The following TNKS variants were observed in gnomAD, a reference collection of about 807,000 sequenced individuals.
TNKS encodes tankyrase, also known as poly [ADP-ribose] polymerase tankyrase-1.
TNKS carries 72 observed loss-of-function variants against 135.8 expected under a neutral mutation model. That is an observed-to-expected ratio of 0.53 (90% CI 0.44 to 0.64). The LOEUF (loss-of-function observed/expected upper bound fraction) is 0.64, where lower values mean the gene tolerates loss of function less well. Ranked by LOEUF, TNKS falls within the 30% of genes least tolerant of loss-of-function variation. The probability of loss-of-function intolerance (pLI) is 0.00; values close to 1 mark genes in which losing one functional copy is unlikely to be tolerated. For synonymous variants in TNKS, 849 were observed against 649.3 expected, an observed-to-expected ratio of 1.31 and a Z score of -4.68; for missense variants, 1,769 against 1,674.0, an observed-to-expected ratio of 1.06 and a Z score of -0.99.
intron 5 of TNKS, among the ~76,000 whole-genome samples, chr8:9,696,733 T>C (rs574162838): frequency 6.6e-6 from 1 of 152,192 alleles, no homozygotes; most frequent in African/African-American, 2.4e-5. Flanking sequence ...GCTGGGGATA[T>C]AGCTATCCCA....
intron 2 of TNKS, among the ~76,000 whole-genome samples, chr8:9,592,753 T>C (rs1198732702): frequency 6.6e-6 from 1 of 152,238 alleles, no homozygotes; most frequent in African/African-American, 2.4e-5. Flanking sequence ...TCTGACTTTT[T>C]TTTATATTAC....
chr8:9,684,926 A>C (rs142876876), intron 5 of TNKS, among the ~76,000 whole-genome samples: 1 of 152,286 alleles, frequency 6.6e-6, no homozygotes, highest in East Asian at 1.9e-4. Flanking sequence ...ATACAGTTAT[A>C]AAGTGCTGAT....
At chr8:9,753,064 A>C (rs1278574553) in intron 20 of TNKS, among the ~76,000 whole-genome samples, 5 of 152,130 alleles carry the variant, frequency 3.3e-5, no homozygotes, top group African/African-American at 1.2e-4. Flanking sequence ...TTTCTATAAG[A>C]AGCCAGAGGA....
chr8:9,645,040 C>T (rs80068411), intron 3 of TNKS, among the ~76,000 whole-genome samples: 10,933 of 152,126 alleles, frequency 0.072, 432 homozygotes, highest in South Asian at 0.16. Flanking sequence ...TTTTCTTCAC[C>T]ATTTTATTAC....
At chr8:9,714,239 A>T (rs1204692328) in intron 11 of TNKS, among the ~76,000 whole-genome samples, 1 of 152,110 alleles carries the variant, frequency 6.6e-6, no homozygotes, top group Non-Finnish European at 1.5e-5. Flanking sequence ...TGAGTTTAGA[A>T]TCCTCCACTT....
intron 3 of TNKS, among the ~76,000 whole-genome samples, chr8:9,625,739 T>A (rs1440511952): frequency 6.6e-6 from 1 of 152,190 alleles, no homozygotes; most frequent in African/African-American, 2.4e-5. Flanking sequence ...TCCATTGTGC[T>A]TGAACAATAC....
chr8:9,688,123 A>G (rs771968137), intron 5 of TNKS, among the ~76,000 whole-genome samples: 5 of 152,354 alleles, frequency 3.3e-5, no homozygotes, highest in East Asian at 1.9e-4. Flanking sequence ...ACATGTTTCT[A>G]TGGATTAAAT....
At chr8:9,642,927 T>TTA (rs1800776261) in intron 3 of TNKS, among the ~76,000 whole-genome samples, 1 of 146,292 alleles carries the variant, frequency 6.8e-6, no homozygotes, top group African/African-American at 2.5e-5. Flanking sequence ...AAGTAACTGA[T>TTA]TATACTCTAC....
At chr8:9,630,300 T>G (rs1461528277) in intron 3 of TNKS, among the ~76,000 whole-genome samples, 1 of 152,176 alleles carries the variant, frequency 6.6e-6, no homozygotes, top group African/African-American at 2.4e-5. Context: ...ACTAGCACTG[T>G]TATATTATAG....
intron 3 of TNKS, among the ~76,000 whole-genome samples, chr8:9,662,862 G>T (rs1209950055): frequency 6.6e-6 from 1 of 152,166 alleles, no homozygotes; most frequent in African/African-American, 2.4e-5. Flanking sequence ...GTTGTGGTAG[G>T]CAGAATACTA....
At chr8:9,628,255 C>G (rs1206098437) in intron 3 of TNKS, among the ~76,000 whole-genome samples, 1 of 152,128 alleles carries the variant, frequency 6.6e-6, no homozygotes, top group African/African-American at 2.4e-5. Flanking sequence ...ACGGAACTGC[C>G]CATGGTTGCT....
At chr8:9,599,353 C>T (rs62493910) in intron 2 of TNKS, among the ~76,000 whole-genome samples, 22,962 of 152,020 alleles carry the variant, frequency 0.15, 2,161 homozygotes, top group East Asian at 0.28. Flanking sequence ...AGAGCCAAGC[C>T]GAGTTTGTAT....
At chr8:9,641,007 A>G (rs920358790) in intron 3 of TNKS, among the ~76,000 whole-genome samples, 3 of 145,710 alleles carry the variant, frequency 2.1e-5, no homozygotes, top group African/African-American at 7.6e-5. Flanking sequence ...TAAATCTCCC[A>G]ACCAAAGCCC....
chr8:9,685,568 T>C (rs1193733757), intron 5 of TNKS, among the ~76,000 whole-genome samples: 1 of 152,208 alleles, frequency 6.6e-6, no homozygotes, highest in Non-Finnish European at 1.5e-5. Flanking sequence ...AATGTCCTTA[T>C]TGTCCAAGCT....
At chr8:9,679,642 T>G (rs1802687078) in intron 3 of TNKS, 1 of 283,440 alleles carries the variant, frequency 3.5e-6, no homozygotes, top group African/African-American at 2.1e-5. Context: ...GAGGGGACAT[T>G]GTCTTCAGCT....
chr8:9,558,189 G>C (rs931441232), intron 1 of TNKS: 2 of 152,172 alleles, frequency 1.3e-5, no homozygotes, highest in Middle Eastern at 3.4e-3. Flanking sequence ...ATTTTATTCT[G>C]TTTCATTTTT....
intron 3 of TNKS, 115 bp from the exon 4 acceptor site, chr8:9,679,836 G>T (rs1802703765): frequency 1.2e-6 from 1 of 814,848 alleles, no homozygotes; most frequent in East Asian, 2.5e-5. Context: ...CACCCAGCGG[G>T]GTGTGGACTC....
chr8:9,733,950 G>A (rs1158324128), intron 15 of TNKS, among the ~76,000 whole-genome samples: 2 of 151,654 alleles, frequency 1.3e-5, no homozygotes, highest in African/African-American at 2.4e-5. Context: ...GTGAAAACTA[G>A]TAGTTATATG....
chr8:9,706,319 T>G, intron 7 of TNKS, 66 bp downstream of exon 7: 4 of 1,230,786 alleles, frequency 3.2e-6, no homozygotes, highest in Non-Finnish European at 4.5e-6. Context: ...TGTCATGACT[T>G]TCCATACTTT....
Sources: gnomAD v4.1 joint callset for allele counts (sites outside exome capture counted in the v4.1 genomes callset) on GRCh38, gnomAD v4.1.1 for gene constraint, MANE v1.5 for transcripts, NCBI Gene and HGNC (gene_info 2026-07-23, HGNC 2026-07-21) for gene names.